Variants in TMEM71 observed in about 807,000 individuals in gnomAD.
TMEM71 encodes the protein transmembrane protein 71.
In TMEM71, 44 loss-of-function variants were observed where a neutral mutation model predicts 38.0. The ratio of observed to expected loss-of-function variants is 1.16; its 90% CI spans 0.91 to 1.49. The LOEUF (loss-of-function observed/expected upper bound fraction) is 1.49, where lower values mean the gene tolerates loss of function less well. Ranked by LOEUF, TMEM71 falls within the 40% of genes most tolerant of loss-of-function variation. The probability of loss-of-function intolerance (pLI) is 0.00; values close to 1 mark genes in which losing one functional copy is unlikely to be tolerated. For synonymous variants in TMEM71, 133 were observed against 122.5 expected (o/e 1.09, Z -0.56); for missense variants, 367 against 348.6 (o/e 1.05, Z -0.42).
intron 9 of TMEM71, 65 bp downstream of exon 9, chr8:132,713,930 A>G: frequency 4.6e-6 from 7 of 1,512,848 alleles, no homozygotes; most frequent in Non-Finnish European, 5.5e-6. Flanking sequence ...AGCAGAAACC[A>G]TTCTCAGATA....
Position 132,727,904 on chromosome 8 carries a change from G to A in TMEM71, c.570C>T (p.Ser190=), listed in dbSNP as rs1382629485. 1 of 1,613,964 alleles carries A rather than the reference G, an allele frequency of 6.2e-7. No homozygotes were observed. The highest frequency in any genetic ancestry group is 8.5e-7 in the Non-Finnish European group (1 of 1,179,986). Residue 190 remains serine, a synonymous_variant, in exon 6 of 10, where the codon TCC becomes TCT. Transcript: ENST00000677595. ...CAGGAGGCTGAGATATGATGTGGCT[G>A]GAAGAGGAGGTGATCACAGACTCTG... ...MNAESVITSS[S]SHIISQPPGG...
intron 3 of TMEM71, among the ~76,000 whole-genome samples, chr8:132,753,397 A>G (rs1563756751): frequency 6.6e-6 from 1 of 152,166 alleles, no homozygotes; most frequent in Non-Finnish European, 1.5e-5. Flanking sequence ...TAATTTCTAC[A>G]TATTATGTAT....
At chr8:132,762,039 C>T (rs779477084), upstream of TMEM71, among the ~76,000 whole-genome samples, 1 of 152,198 alleles carries the variant, frequency 6.6e-6, no homozygotes, top group Non-Finnish European at 1.5e-5. Flanking sequence ...GCTCCCTGGC[C>T]CACGCAAACT....
the TMEM71 span, among the ~76,000 whole-genome samples, chr8:132,775,192 A>C: frequency 6.6e-6 from 1 of 151,792 alleles, no homozygotes; most frequent in South Asian, 2.1e-4. Context: ...AGGCACCAAG[A>C]GCTCGCGTTC....
chr8:132,738,605 A>G (rs1005992802), intron 5 of TMEM71, among the ~76,000 whole-genome samples: 2 of 152,328 alleles, frequency 1.3e-5, no homozygotes, highest in African/African-American at 4.8e-5. Flanking sequence ...GAATCAAAAA[A>G]TATTCTTGAT....
intron 5 of TMEM71, among the ~76,000 whole-genome samples, chr8:132,738,143 C>A (rs995358505): frequency 1.0e-5 from 1 of 96,258 alleles, no homozygotes; most frequent in African/African-American, 3.1e-5. Context: ...CCTCCCCATT[C>A]TATATGCTAT....
At chr8:132,749,412 C>A (rs1311380872) in intron 4 of TMEM71, among the ~76,000 whole-genome samples, 2 of 152,236 alleles carry the variant, frequency 1.3e-5, no homozygotes, top group East Asian at 1.9e-4. Flanking sequence ...CCTGGACACA[C>A]AACTGAACTA....
At chr8:132,722,209 C>CAA (rs34385955) in intron 6 of TMEM71, 94 bp from the exon 7 acceptor site, 166,236 of 611,354 alleles carry the variant, frequency 0.27, 15,207 homozygotes, top group African/African-American at 0.58. Flanking sequence ...TTGTACCCAC[C>CAA]AAAAAAAAAA....
chr8:132,764,919 A>AT (rs1829344620), upstream of TMEM71, among the ~76,000 whole-genome samples: 1 of 152,186 alleles, frequency 6.6e-6, no homozygotes, highest in Non-Finnish European at 1.5e-5. Flanking sequence ...TGTGAATAAG[A>AT]TTTTTTATCA....
At chr8:132,726,370 A>G (rs1333787234) in intron 6 of TMEM71, among the ~76,000 whole-genome samples, 1 of 152,052 alleles carries the variant, frequency 6.6e-6, no homozygotes, top group African/African-American at 2.4e-5. Flanking sequence ...AGTGAAGTGA[A>G]TATTTATGAT....
intron 7 of TMEM71, among the ~76,000 whole-genome samples, chr8:132,721,608 G>A (rs1452182068): frequency 4.0e-5 from 6 of 150,272 alleles, no homozygotes; most frequent in East Asian, 3.9e-4. Context: ...GTGCAATGGC[G>A]GGATCTCAGC....
intron 3 of TMEM71, among the ~76,000 whole-genome samples, chr8:132,755,152 A>G (rs1477380277): frequency 6.6e-6 from 1 of 152,284 alleles, no homozygotes; most frequent in Middle Eastern, 3.4e-3. Flanking sequence ...TCTGCACTCC[A>G]ATTTCCAAGT....
At chr8:132,775,853 G>T in the TMEM71 span, among the ~76,000 whole-genome samples, 1 of 152,104 alleles carries the variant, frequency 6.6e-6, no homozygotes, top group African/African-American at 2.4e-5. Context: ...GTCAAACCTG[G>T]AGGCTTCTCC....
chr8:132,759,229 G>T, intron 1 of TMEM71: 1 of 193,670 alleles, frequency 5.2e-6, no homozygotes, highest in Non-Finnish European at 1.1e-5. Context: ...ATGAAAGTGA[G>T]GTATTTGATT....
rs369033273 is a variant in TMEM71 at position 132,711,015 on chromosome 8, A to G, written c.873-33T>C. 2.5e-6 allele frequency: 4 copies of G among 1,601,782 alleles called. No homozygotes were observed. In the African/African-American group the frequency reaches 5.4e-5, roughly 22 times the overall value. On this transcript the variant is annotated intron_variant, in intron 9 of 9. Coordinates refer to ENST00000677595, the MANE Select transcript of TMEM71 (RefSeq NM_001382403.1). ...GGAGAAATAAGAAAAGAAATGCATA[A>G]TTCATCCCCATGCACAGGAAATGCA...
chr8:132,749,183 A>G (rs996844237), intron 4 of TMEM71, among the ~76,000 whole-genome samples: 1 of 152,242 alleles, frequency 6.6e-6, no homozygotes, highest in Non-Finnish European at 1.5e-5. Flanking sequence ...CCACCTTGCA[A>G]TAGCCTGGCC....
chr8:132,727,760 C>A (rs768429486), intron 6 of TMEM71, 38 bp downstream of exon 6: 4 of 1,519,888 alleles, frequency 2.6e-6, no homozygotes, highest in Admixed American at 2.0e-5. Flanking sequence ...AGGAAGAATT[C>A]TTTGGGTGTG....
intron 5 of TMEM71, among the ~76,000 whole-genome samples, chr8:132,740,958 C>T (rs183328993): frequency 1.1e-4 from 17 of 152,276 alleles, no homozygotes; most frequent in East Asian, 5.8e-4. Context: ...ATGATGACAA[C>T]GCCACATTTA....
upstream of TMEM71, among the ~76,000 whole-genome samples, chr8:132,764,989 G>A (rs1381358840): frequency 6.6e-6 from 1 of 152,170 alleles, no homozygotes; most frequent in South Asian, 2.1e-4. Flanking sequence ...GGAGATATAT[G>A]GGCCAAAGCC....
Sources: gnomAD v4.1 joint callset for allele counts (sites outside exome capture counted in the v4.1 genomes callset) on GRCh38, gnomAD v4.1.1 for gene constraint, MANE v1.5 for transcripts, NCBI Gene and HGNC (gene_info 2026-07-23, HGNC 2026-07-21) for gene names.